The following SATB2 variants were observed in gnomAD, a reference collection of about 807,000 sequenced individuals.
SATB2 encodes the protein SATB homeobox 2, also known as DNA-binding protein SATB2.
In SATB2, 1 loss-of-function variant was observed where a neutral mutation model predicts 73.4. The observed-to-expected ratio is 0.01, with a 90% CI of 0.00 to 0.06. SATB2 has a LOEUF of 0.06. Ranked by LOEUF, SATB2 falls within the 10% of genes least tolerant of loss-of-function variation. SATB2 has a pLI of 1.00. For missense variants in SATB2, 459 were observed against 945.8 expected (o/e 0.49, Z 6.75); for synonymous variants, 397 against 367.0 (o/e 1.08, Z -0.93).
chr2:199,421,962 G>A (rs547414821), intron 3 of SATB2, among the ~76,000 whole-genome samples: 2 of 152,250 alleles, frequency 1.3e-5, no homozygotes, highest in East Asian at 3.9e-4. Context: ...GCATGTGCTG[G>A]GTATATAGTA....
intron 10 of SATB2, among the ~76,000 whole-genome samples, chr2:199,287,365 G>T (rs1023758544): frequency 1.3e-5 from 2 of 152,076 alleles, no homozygotes; most frequent in Admixed American, 1.3e-4. Context: ...TGAAGGAAAA[G>T]AATAGATACA....
intron 3 of SATB2, among the ~76,000 whole-genome samples, chr2:199,409,040 G>A (rs1190443447): frequency 6.6e-6 from 1 of 151,974 alleles, no homozygotes; most frequent in Non-Finnish European, 1.5e-5. Flanking sequence ...ACTCAGCTAT[G>A]TTATTTTAAT....
In SATB2 at chr2:199,349,173, A is replaced by G; in HGVS notation, c.701T>C (p.Val234Ala). The G allele has an allele frequency of 6.2e-7, 1 of 1,605,076 alleles. No individual in the cohort carries two copies. Among genetic ancestry groups the G allele is most frequent in the South Asian group, 1.1e-5 (1 of 90,614 alleles). Residue 234 changes from valine (V) to alanine (A), a missense_variant and splice_region_variant, in exon 7 of 11, where the codon GTG (valine) becomes GCG (alanine). This residue lies in a region of SATB2 where 77 missense variants were observed against 90.4 expected (regional missense o/e 0.85). Coordinates refer to ENST00000417098, the MANE Select transcript of SATB2 (RefSeq NM_001172509.2). ...RWYKKYKKIK[V>A]ERVERENLSD... ...AAGGTTTTCTCGTTCCACTCTTTCC[A>G]CTGTTAAGAGATAAAAGTGATAATT...
intron 2 of SATB2, among the ~76,000 whole-genome samples, chr2:199,447,732 G>GTGTTTTC (rs1246494398): frequency 1.0e-5 from 1 of 97,778 alleles, no homozygotes; most frequent in African/African-American, 2.6e-5. Flanking sequence ...TCCCAGGGAA[G>GTGTTTTC]AATGAGAGCC....
chr2:199,273,407 A>C (rs1692216838), intron 10 of SATB2, among the ~76,000 whole-genome samples: 1 of 152,204 alleles, frequency 6.6e-6, no homozygotes, highest in South Asian at 2.1e-4. Context: ...GCTTAGAGCA[A>C]ACATCCAATA....
rs528207274 is a variant in SATB2, at chr2:199,448,859, C to T, written c.169+7010G>A. Among the ~76,000 whole-genome samples the T allele has an allele frequency of 2.0e-5, 3 of 152,232 alleles. No individual in the cohort carries two copies. In the East Asian group the frequency reaches 5.8e-4, roughly 29 times the overall value. ...AACTGTACTACGATAGAACTCCATT[C>T]CAATGATACGGCTACTAGGTAAGAG... On this transcript the variant is annotated intron_variant, in intron 2 of 10. Coordinates refer to ENST00000417098, the MANE Select transcript of SATB2 (RefSeq NM_001172509.2).
At chr2:199,470,628 A>C (rs1692685303) in intron 1 of SATB2, 1 of 152,368 alleles carries the variant, frequency 6.6e-6, no homozygotes, top group Admixed American at 6.5e-5. Context: ...TTCTACAAGA[A>C]GTGCCCCCGA....
chr2:199,459,054 G>T (rs1455950586), upstream of SATB2, among the ~76,000 whole-genome samples: 3 of 152,060 alleles, frequency 2.0e-5, no homozygotes, highest in Admixed American at 6.5e-5. This position sits in a 1 kb window ranked among gnomAD's most constrained non-coding sequence, Gnocchi z 4.2. Context: ...TCGCTGGAGC[G>T]CTCGCCGCTC....
At chr2:199,331,363 A>G (rs1375610774) in intron 7 of SATB2, among the ~76,000 whole-genome samples, 1 of 152,126 alleles carries the variant, frequency 6.6e-6, no homozygotes, top group Non-Finnish European at 1.5e-5. Context: ...TCTGAGGTGA[A>G]AGAGACACAA....
intron 3 of SATB2, among the ~76,000 whole-genome samples, chr2:199,393,969 C>G (rs1257970598): frequency 6.6e-6 from 1 of 152,110 alleles, no homozygotes; most frequent in Non-Finnish European, 1.5e-5. Flanking sequence ...ATAACAAAAG[C>G]TGCTGCCTAC....
At chr2:199,339,409 A>T (rs1688437029) in intron 7 of SATB2, among the ~76,000 whole-genome samples, 1 of 152,208 alleles carries the variant, frequency 6.6e-6, no homozygotes, top group Non-Finnish European at 1.5e-5. Flanking sequence ...TTATGAAGCA[A>T]CCAGGGCCAT....
intron 3 of SATB2, among the ~76,000 whole-genome samples, chr2:199,428,055 C>T (rs1432294566): frequency 6.6e-6 from 1 of 152,078 alleles, no homozygotes; most frequent in Admixed American, 6.5e-5. Flanking sequence ...TGCCTTCAAG[C>T]AGATGAGGTT....
At chr2:199,301,059 AT>A (rs1266747003) in intron 10 of SATB2, among the ~76,000 whole-genome samples, 1 of 152,174 alleles carries the variant, frequency 6.6e-6, no homozygotes, top group Non-Finnish European at 1.5e-5. Context: ...CTTTAAAAAA[AT>A]ACATTAGCAG....
At chr2:199,395,334 A>C (rs763924951) in intron 3 of SATB2, among the ~76,000 whole-genome samples, 6 of 152,236 alleles carry the variant, frequency 3.9e-5, no homozygotes, top group Non-Finnish European at 7.3e-5. Flanking sequence ...ACCCAATATT[A>C]CATTAAAATT....
At chr2:199,305,973 C>G (rs1244006495) in intron 10 of SATB2, among the ~76,000 whole-genome samples, 6 of 152,094 alleles carry the variant, frequency 3.9e-5, no homozygotes, top group Non-Finnish European at 8.8e-5. Flanking sequence ...TGGCACATTT[C>G]CTATCTAATT....
intron 6 of SATB2, among the ~76,000 whole-genome samples, chr2:199,351,689 A>C (rs1221218685): frequency 1.3e-5 from 2 of 152,208 alleles, no homozygotes; most frequent in Non-Finnish European, 2.9e-5. Flanking sequence ...AGGTAAAGAG[A>C]CCATGAACTG....
intron 3 of SATB2, among the ~76,000 whole-genome samples, chr2:199,395,641 T>C (rs1381678538): frequency 6.6e-6 from 1 of 152,192 alleles, no homozygotes; most frequent in Admixed American, 6.5e-5. Context: ...CAAAAATGAT[T>C]ATAAATTTCT....
At chr2:199,296,528 T>C (rs1332096702) in intron 10 of SATB2, among the ~76,000 whole-genome samples, 1 of 151,976 alleles carries the variant, frequency 6.6e-6, no homozygotes, top group Non-Finnish European at 1.5e-5. Context: ...ACATCTCTAC[T>C]AAAAATACAA....
rs529969775 is a variant in SATB2 at position 199,442,279 on chromosome 2, C to A, written c.170-8765G>T. ...CAAGGAAAGCTTTCTAGGAAATGAT[C>A]CACATAAGTGGATTCAGGAGCTTGC... On this transcript the variant is annotated intron_variant, in intron 2 of 10. Coordinates refer to ENST00000417098, the MANE Select transcript of SATB2 (RefSeq NM_001172509.2). Among the ~76,000 whole-genome samples, 4 of 152,178 alleles carry A rather than the reference C, an allele frequency of 2.6e-5. No individual in the cohort carries two copies. In the East Asian group the frequency reaches 7.7e-4, roughly 29 times the overall value.
Sources: gnomAD v4.1 joint callset for allele counts (sites outside exome capture counted in the v4.1 genomes callset) on GRCh38, gnomAD v4.1.1 for gene constraint, gnomAD v4.1.1 regional missense constraint, Gnocchi (gnomAD v3.1) non-coding constraint, MANE v1.5 for transcripts, NCBI Gene and HGNC (gene_info 2026-07-23, HGNC 2026-07-21) for gene names.